EAF2: variants seen among roughly 807,000 people sequenced by gnomAD.
EAF2 encodes the protein ELL associated factor 2, also known as ELL-associated factor 2.
A neutral mutation model predicts 29.4 loss-of-function variants in EAF2; 29 were observed. The ratio of observed to expected loss-of-function variants is 0.99; its 90% CI spans 0.73 to 1.35. EAF2 has a LOEUF of 1.35. Among genes scored for constraint, EAF2 ranks in the 40% most tolerant of loss-of-function variants. The pLI, the probability that EAF2 is intolerant of heterozygous loss-of-function variation, is 0.00. For missense variants in EAF2, 292 were observed against 312.0 expected, an observed-to-expected ratio of 0.94 and a Z score of 0.48; for synonymous variants, 103 against 102.5, an observed-to-expected ratio of 1.00 and a Z score of -0.03.
At chr3:121,876,431 G>A (rs1258419336) in intron 5 of EAF2, among the ~76,000 whole-genome samples, 1 of 151,800 alleles carries the variant, frequency 6.6e-6, no homozygotes, top group Non-Finnish European at 1.5e-5. Context: ...AGTGAAAACA[G>A]AAGGAAAGTG....
Position 121,886,326 on chromosome 3 carries a change from T to G in EAF2, c.737-16T>G. 1 of 1,462,130 alleles carries G rather than the reference T, an allele frequency of 6.8e-7. No homozygotes were observed. 90.6% of individuals were successfully genotyped at this position (1,462,130 alleles called of 1,614,324 possible). ...TATTTAATTACTACAGTTTTGTTAT[T>G]TCTTTCTTATTTTAGGAAATGATTT... is the stretch of plus-strand genomic sequence containing the variant. On this transcript the variant is annotated splice_polypyrimidine_tract_variant and intron_variant, in intron 5 of 5. Transcript: ENST00000273668.
At chr3:121,860,181 T>C (rs974242056) in intron 4 of EAF2, among the ~76,000 whole-genome samples, 1 of 152,246 alleles carries the variant, frequency 6.6e-6, no homozygotes, top group South Asian at 2.1e-4. Flanking sequence ...GATGCTGGCC[T>C]CATCAAATGA....
At chr3:121,850,882 G>A (rs1016951270) in intron 2 of EAF2, among the ~76,000 whole-genome samples, 2 of 150,368 alleles carry the variant, frequency 1.3e-5, no homozygotes, top group African/African-American at 4.9e-5. Flanking sequence ...TGCATTTTTA[G>A]TAGAGTTGGG....
chr3:121,839,638 A>C (rs1179710196), intron 1 of EAF2, among the ~76,000 whole-genome samples: 1 of 152,190 alleles, frequency 6.6e-6, no homozygotes, highest in Non-Finnish European at 1.5e-5. Flanking sequence ...AGAGATTGAG[A>C]GTTTTGAAGT....
chr3:121,880,975 T>TGAGATAATCATATG (rs1195676272), intron 5 of EAF2, among the ~76,000 whole-genome samples: 1 of 152,226 alleles, frequency 6.6e-6, no homozygotes, highest in Non-Finnish European at 1.5e-5. Flanking sequence ...CTGCATCTAT[T>TGAGATAATCATATG]GAGATAATCA....
intron 2 of EAF2, among the ~76,000 whole-genome samples, chr3:121,852,291 C>G (rs1217960665): frequency 6.6e-6 from 1 of 152,164 alleles, no homozygotes; most frequent in African/African-American, 2.4e-5. Context: ...CTCTTATCAA[C>G]TGTAATTTGG....
rs71133578 is a variant in EAF2 at position 121,845,459 on chromosome 3, A to AAAAAAGAAAG, written c.201+915_201+916insAAGAAAGAAA. ...ACATCTCAAAAAAAAAAAAAAAAAA[A>AAAAAAGAAAG]AAAGAAAGAAAGAAAAAGAAAAAGA... On this transcript the variant is annotated intron_variant, in intron 2 of 5. Coordinates refer to ENST00000273668, the MANE Select transcript of EAF2 (RefSeq NM_018456.6). Among the ~76,000 whole-genome samples, 819 of 96,538 alleles carry AAAAAAGAAAG rather than the reference A, an allele frequency of 8.5e-3. 4 individuals carry two copies. The highest frequency in any genetic ancestry group is 0.014 in the Non-Finnish European group (722 of 52,992). The allele number at this position is 96,538 out of a possible 152,430, so 63.3% of individuals were successfully genotyped here.
intron 4 of EAF2, among the ~76,000 whole-genome samples, chr3:121,870,934 C>T (rs1240438480): frequency 6.6e-6 from 1 of 152,062 alleles, no homozygotes; most frequent in Non-Finnish European, 1.5e-5. Context: ...ATCTGTGACT[C>T]ATACCTTGCT....
At chr3:121,847,796 A>C (rs1028286413) in intron 2 of EAF2, among the ~76,000 whole-genome samples, 1 of 152,104 alleles carries the variant, frequency 6.6e-6, no homozygotes, top group Non-Finnish European at 1.5e-5. Flanking sequence ...AGATGTAGTA[A>C]ATCAGTCCCT....
intron 5 of EAF2, among the ~76,000 whole-genome samples, chr3:121,877,218 C>A (rs922059690): frequency 2.0e-5 from 3 of 149,594 alleles, no homozygotes; most frequent in African/African-American, 7.3e-5. Flanking sequence ...TGTGTGTGTG[C>A]GTGTGTGTGT....
intron 1 of EAF2, among the ~76,000 whole-genome samples, chr3:121,840,269 G>T (rs1708387995): frequency 6.7e-6 from 1 of 149,848 alleles, no homozygotes; most frequent in Non-Finnish European, 1.5e-5. Context: ...GAGGCGGGTG[G>T]ATCACGAGGT....
At chr3:121,840,127 T>C (rs1459505445) in intron 1 of EAF2, among the ~76,000 whole-genome samples, 1 of 140,570 alleles carries the variant, frequency 7.1e-6, no homozygotes, top group Non-Finnish European at 1.5e-5. Flanking sequence ...GAGGCGGAGG[T>C]TGCGGTGAGC....
chr3:121,860,970 G>C (rs1708818729), intron 4 of EAF2, among the ~76,000 whole-genome samples: 1 of 152,192 alleles, frequency 6.6e-6, no homozygotes, highest in Non-Finnish European at 1.5e-5. Flanking sequence ...TTTCCATGTA[G>C]TTGTGCGTTT....
intron 4 of EAF2, among the ~76,000 whole-genome samples, chr3:121,862,659 G>GATA (rs1708853860): frequency 6.6e-6 from 1 of 152,172 alleles, no homozygotes; most frequent in Non-Finnish European, 1.5e-5. Flanking sequence ...CCAATTGTCT[G>GATA]AAGCCTTCTT....
intron 4 of EAF2, among the ~76,000 whole-genome samples, chr3:121,858,651 T>C (rs1195828670): frequency 1.3e-5 from 2 of 152,252 alleles, no homozygotes; most frequent in Admixed American, 1.3e-4. Flanking sequence ...TTTCTTTTGC[T>C]GTGCAGAAGC....
chr3:121,844,417 C>A, intron 1 of EAF2, 36 bp from the exon 2 acceptor site: 3 of 1,261,904 alleles, frequency 2.4e-6, no homozygotes, highest in Non-Finnish European at 3.4e-6. Flanking sequence ...AATATCATTA[C>A]ATTTTACAAA....
chr3:121,865,651 A>T (rs931591064), intron 4 of EAF2, among the ~76,000 whole-genome samples: 6 of 151,572 alleles, frequency 4.0e-5, no homozygotes, highest in African/African-American at 1.5e-4. Flanking sequence ...AGATAGCAAG[A>T]CCCCATCTCT....
intron 1 of EAF2, among the ~76,000 whole-genome samples, chr3:121,841,460 G>C (rs1195463408): frequency 7.3e-6 from 1 of 136,394 alleles, no homozygotes; most frequent in African/African-American, 2.7e-5. Flanking sequence ...AGCCGAAATC[G>C]CGCCACTGTA....
At chr3:121,843,286 A>G (rs1307370812) in intron 1 of EAF2, among the ~76,000 whole-genome samples, 2 of 152,178 alleles carry the variant, frequency 1.3e-5, no homozygotes, top group Non-Finnish European at 2.9e-5. Context: ...CAGAGCAATA[A>G]TTTGATGATT....
Sources: gnomAD v4.1 joint callset for allele counts (sites outside exome capture counted in the v4.1 genomes callset) on GRCh38, gnomAD v4.1.1 for gene constraint, MANE v1.5 for transcripts, NCBI Gene and HGNC (gene_info 2026-07-23, HGNC 2026-07-21) for gene names.